BDH1: variants seen among roughly 807,000 people sequenced by gnomAD.
BDH1 encodes the protein D-beta-hydroxybutyrate dehydrogenase, mitochondrial.
In BDH1, 30 loss-of-function variants were observed where a neutral mutation model predicts 33.1. The observed-to-expected ratio is 0.91, with a 90% CI of 0.68 to 1.23. The LOEUF (loss-of-function observed/expected upper bound fraction) is 1.23, where lower values mean the gene tolerates loss of function less well. BDH1 is among the 50% of genes most tolerant of loss of function. The pLI is 0.00. For missense variants in BDH1, 443 were observed against 464.4 expected (o/e 0.95, Z 0.42); for synonymous variants, 190 against 183.6 (o/e 1.03, Z -0.28).
chr3:197,546,306 C>G lies in BDH1; in HGVS notation c.83+55G>C, dbSNP rs532799477. ...GCCTACACTGTCCATGTGTGAAAAC[C>G]TCTGCCTGCTCAGAAAGTGTCCCCT... On this transcript the variant is annotated intron_variant, in intron 3 of 7. Transcript: ENST00000392379. 2.7e-5 allele frequency: 43 copies of G among 1,571,182 alleles called. No homozygotes were observed. In the South Asian group the frequency reaches 4.7e-4, roughly 17 times the overall value.
In BDH1 at chr3:197,542,521, C is replaced by CTTTTTTTTTTTTTTT. The variant is rs71164295; in HGVS notation, c.83+3825_83+3839dup. Among the ~76,000 whole-genome samples the CTTTTTTTTTTTTTTT allele has an allele frequency of 1.9e-4, 20 of 106,422 alleles. 2 individuals are homozygous for CTTTTTTTTTTTTTTT. Among genetic ancestry groups the CTTTTTTTTTTTTTTT allele is most frequent in the African/African-American group, 5.5e-4 (13 of 23,446 alleles). The allele number at this position is 106,422 out of a possible 152,430, so 69.8% of individuals were successfully genotyped here. A position where few individuals can be genotyped will look rare whatever the true frequency, so the allele number is the denominator to read the frequency against. ...GTCAACACGCTTTCTTTCTTGCTTG[C>CTTTTTTTTTTTTTTT]TTTTTTTTTTTTTTTTTTTGAGACG... is the stretch of plus-strand genomic sequence containing the variant. On this transcript the variant is annotated intron_variant, in intron 3 of 7. Coordinates refer to ENST00000392379, the MANE Select transcript of BDH1 (RefSeq NM_203314.3).
Position 197,510,714 on chromosome 3 carries a change from T to G in BDH1, c.*1181A>C. ...GTGTGTGTGTGTGTGTGTGTGTGTG[T>G]GTGTACATGTGTGTAAGCACCACGT... On this transcript the variant is annotated 3_prime_UTR_variant, in exon 8 of 8. Transcript: ENST00000392379. 1 of 124,138 alleles carries G rather than the reference T, an allele frequency of 8.1e-6. No individual in the cohort carries two copies. Among genetic ancestry groups the G allele is most frequent in the Non-Finnish European group, 1.7e-5 (1 of 60,142 alleles). 7.7% of individuals were successfully genotyped at this position (124,138 alleles called of 1,614,324 possible).
chr3:197,545,352 T>A (rs1398845792), intron 3 of BDH1, among the ~76,000 whole-genome samples: 4 of 152,196 alleles, frequency 2.6e-5, no homozygotes, highest in African/African-American at 9.7e-5. Flanking sequence ...GTTTGGGACA[T>A]CTCGGCTAAC....
In BDH1 at chr3:197,554,090, C is replaced by G. The variant is rs922987460; in HGVS notation, c.-44+472G>C. On this transcript the variant is annotated intron_variant, in intron 2 of 7. Coordinates refer to ENST00000392379, the MANE Select transcript of BDH1 (RefSeq NM_203314.3). The surrounding 1 kb of genome is among the most constrained non-coding windows in gnomAD (Gnocchi z 4.4). ...GTTTGCTACACCATCCCTCAACAAG[C>G]CCTGTACTTTCCAATTTTCGAGCCT... Among the ~76,000 whole-genome samples the G allele has an allele frequency of 6.6e-6, 1 of 152,216 alleles. No individual in the cohort carries two copies. Among genetic ancestry groups the G allele is most frequent in the Admixed American group, 6.5e-5 (1 of 15,288 alleles).
chr3:197,558,699 G>C (rs547459290), upstream of BDH1, among the ~76,000 whole-genome samples: 200 of 152,312 alleles, frequency 1.3e-3, 1 homozygote, highest in African/African-American at 4.4e-3. Flanking sequence ...ACCCCGCATG[G>C]GAGCTACTGA....
chr3:197,524,357 G>A (rs1315554165), intron 5 of BDH1, among the ~76,000 whole-genome samples: 1 of 152,230 alleles, frequency 6.6e-6, no homozygotes, highest in South Asian at 2.1e-4. Context: ...GGAAAGCCCA[G>A]GACGGTCAGC....
chr3:197,534,544 A>C (rs1714978625), intron 3 of BDH1, among the ~76,000 whole-genome samples: 1 of 152,178 alleles, frequency 6.6e-6, no homozygotes, highest in African/African-American at 2.4e-5. Context: ...ACATTCCTAC[A>C]CAGGTTTTTG....
At chr3:197,544,678 C>G (rs1356212021) in intron 3 of BDH1, among the ~76,000 whole-genome samples, 1 of 152,268 alleles carries the variant, frequency 6.6e-6, no homozygotes, top group Non-Finnish European at 1.5e-5. Flanking sequence ...GCATTCTAAA[C>G]TCTTCTCATG....
At chr3:197,536,843 C>CA (rs1266767855) in intron 3 of BDH1, among the ~76,000 whole-genome samples, 5 of 152,196 alleles carry the variant, frequency 3.3e-5, no homozygotes, top group Admixed American at 3.3e-4. Context: ...AACTCCGTCT[C>CA]AAAAAAACCC....
At chr3:197,564,683 G>A (rs2108775352) in intron 1 of BDH1, among the ~76,000 whole-genome samples, 1 of 152,240 alleles carries the variant, frequency 6.6e-6, no homozygotes, top group East Asian at 1.9e-4. Context: ...GATAAAATAA[G>A]TTCAGTTTCT....
At chr3:197,553,726 G>A (rs866428307) in intron 2 of BDH1, among the ~76,000 whole-genome samples, 12 of 152,314 alleles carry the variant, frequency 7.9e-5, no homozygotes, top group Middle Eastern at 3.4e-3. Context: ...CCACTGCAGT[G>A]AGATGTGAAA....
intron 4 of BDH1, among the ~76,000 whole-genome samples, chr3:197,533,234 C>CA (rs1553872761): frequency 1.3e-5 from 2 of 152,060 alleles, no homozygotes; most frequent in Admixed American, 6.5e-5. Flanking sequence ...GTTCTCGCCC[C>CA]CCACCTAGGC....
At chr3:197,517,249 C>A (rs547822675) in intron 6 of BDH1, among the ~76,000 whole-genome samples, 2 of 133,264 alleles carry the variant, frequency 1.5e-5, no homozygotes, top group Non-Finnish European at 3.3e-5. Flanking sequence ...TCAGGCCGAC[C>A]CCCGCATCAG....
At chr3:197,568,491 AAATCTGTGGATG>A (rs1717505961) in intron 1 of BDH1, among the ~76,000 whole-genome samples, 1 of 152,122 alleles carries the variant, frequency 6.6e-6, no homozygotes, top group African/African-American at 2.4e-5. Flanking sequence ...TGTAATGCTG[AAATCTGTGGATG>A]AATGAGAACT....
intron 2 of BDH1, among the ~76,000 whole-genome samples, chr3:197,550,225 T>G (rs1716441296): frequency 6.6e-6 from 1 of 152,144 alleles, no homozygotes; most frequent in Non-Finnish European, 1.5e-5. Context: ...CACCACTGTA[T>G]CATACATGCA....
chr3:197,516,686 G>A lies in BDH1; in HGVS notation c.410-2270C>T, dbSNP rs897000565. Among the ~76,000 whole-genome samples the A allele has an allele frequency of 1.3e-5, 2 of 152,024 alleles. No homozygotes were observed. The highest frequency in any genetic ancestry group is 4.8e-5 in the African/African-American group (2 of 41,352). ...ACCCTAACCACAACCAACACGTCAA[G>A]TTTCCAAGCTGCCCAAGCCTGCTCC... On this transcript the variant is annotated intron_variant, in intron 6 of 7. Coordinates refer to ENST00000392379, the MANE Select transcript of BDH1 (RefSeq NM_203314.3). The surrounding 1 kb of genome is among the most constrained non-coding windows in gnomAD (Gnocchi z 4.2).
chr3:197,562,330 A>G (rs1047244114), intron 1 of BDH1, among the ~76,000 whole-genome samples: 2 of 152,078 alleles, frequency 1.3e-5, no homozygotes, highest in South Asian at 4.1e-4. Flanking sequence ...ATTAATCTCA[A>G]TTGTGTTTGT....
intron 2 of BDH1, among the ~76,000 whole-genome samples, chr3:197,553,233 G>A (rs1716713248): frequency 6.7e-6 from 1 of 148,872 alleles, no homozygotes; most frequent in African/African-American, 2.5e-5. Context: ...ATAATTAAAT[G>A]AATTAAGAGA....
Position 197,525,416 on chromosome 3 carries a change from T to C in BDH1, c.268-2635A>G, listed in dbSNP as rs144090810. Among the ~76,000 whole-genome samples, 377 of 152,310 alleles carry C rather than the reference T, an allele frequency of 2.5e-3. 1 individual carries two copies. Among genetic ancestry groups the C allele is most frequent in the African/African-American group, 8.6e-3 (356 of 41,574 alleles). On this transcript the variant is annotated intron_variant, in intron 5 of 7. Transcript: ENST00000392379. The surrounding 1 kb of genome is among the most constrained non-coding windows in gnomAD (Gnocchi z 4.9). ...CTCAGACCCCTATACAAGACCTCTC[T>C]GGTGCCCCTACACAGCATCACGACA...
Sources: allele counts gnomAD v4.1 joint callset (sites outside exome capture counted in the v4.1 genomes callset), GRCh38; gene constraint gnomAD v4.1.1; non-coding constraint Gnocchi (gnomAD v3.1); transcripts MANE v1.5; gene names NCBI Gene and HGNC (gene_info 2026-07-23, HGNC 2026-07-21).